Variants in PPP1R42 observed in about 807,000 individuals in gnomAD.
PPP1R42 encodes the protein leucine rich repeat containing 67.
A neutral mutation model predicts 31.0 loss-of-function variants in PPP1R42; 34 were observed. That is an observed-to-expected ratio of 1.10 (90% confidence interval 0.83 to 1.46). PPP1R42 has a LOEUF of 1.46. Ranked by LOEUF, PPP1R42 falls within the 40% of genes most tolerant of loss-of-function variation. The pLI, the probability that PPP1R42 is intolerant of heterozygous loss-of-function variation, is 0.00. For synonymous variants in PPP1R42, 103 were observed against 109.8 expected, an observed-to-expected ratio of 0.94 and a Z score of 0.39; for missense variants, 268 against 303.0, an observed-to-expected ratio of 0.88 and a Z score of 0.86.
chr8:67,005,536 TC>T (rs1478514704), intron 5 of PPP1R42, among the ~76,000 whole-genome samples: 2 of 152,188 alleles, frequency 1.3e-5, no homozygotes, highest in East Asian at 3.9e-4. Context: ...CATTTCAATA[TC>T]CAATAGGCAT....
chr8:67,016,404 A>T (rs973799540), intron 2 of PPP1R42, among the ~76,000 whole-genome samples: 6 of 152,210 alleles, frequency 3.9e-5, no homozygotes, highest in African/African-American at 1.4e-4. Context: ...TAGACAACAG[A>T]TACCAACACA....
intron 7 of PPP1R42, among the ~76,000 whole-genome samples, chr8:66,969,052 T>G (rs1814465428): frequency 6.6e-6 from 1 of 152,152 alleles, no homozygotes; most frequent in African/African-American, 2.4e-5. Flanking sequence ...AAAAATGCAT[T>G]TAGTTCTGTA....
At position 66,988,534 on chromosome 8, in the gene PPP1R42, A is replaced by G; in HGVS notation, c.553-17T>C. The G allele has an allele frequency of 6.3e-6, 10 of 1,590,070 alleles. No homozygotes were observed. Among genetic ancestry groups the G allele is most frequent in the Non-Finnish European group, 8.5e-6 (10 of 1,170,988 alleles). On this transcript the variant is annotated splice_polypyrimidine_tract_variant and intron_variant, in intron 5 of 7. Coordinates refer to ENST00000685739, the MANE Select transcript of PPP1R42 (RefSeq NM_001364910.1). ...CTCCAAATCCTATAATTAGAGAAGA[A>G]AAAGCAAAGCACAAGCATTTCATAT...
intron 5 of PPP1R42, among the ~76,000 whole-genome samples, chr8:66,997,956 G>A (rs1163000309): frequency 6.6e-6 from 1 of 152,096 alleles, no homozygotes; most frequent in Non-Finnish European, 1.5e-5. Flanking sequence ...GGATTATGTT[G>A]AATGTATAGA....
chr8:67,023,525 A>T (rs917990051), intron 1 of PPP1R42, among the ~76,000 whole-genome samples: 4 of 152,208 alleles, frequency 2.6e-5, no homozygotes, highest in Admixed American at 6.5e-5. Flanking sequence ...CAGTATTTTT[A>T]AAATATTGAT....
chr8:67,026,343 A>T (rs1445095094), intron 1 of PPP1R42, among the ~76,000 whole-genome samples: 1 of 152,052 alleles, frequency 6.6e-6, no homozygotes, highest in Non-Finnish European at 1.5e-5. Context: ...CATCTCAAAA[A>T]AAAAAAGAAA....
intron 7 of PPP1R42, among the ~76,000 whole-genome samples, chr8:66,968,729 A>G (rs1410128756): frequency 6.6e-6 from 1 of 152,144 alleles, no homozygotes; most frequent in Non-Finnish European, 1.5e-5. Flanking sequence ...AAACTCTGTA[A>G]TATATTTGAT....
intron 6 of PPP1R42, chr8:66,985,286 G>A (rs1035115126): frequency 9.1e-5 from 84 of 919,084 alleles, no homozygotes; most frequent in Non-Finnish European, 1.1e-4. Flanking sequence ...GTGGAGACTC[G>A]GGGTCAAAAA....
chr8:67,024,882 A>T (rs908291411), intron 1 of PPP1R42, among the ~76,000 whole-genome samples: 2 of 151,974 alleles, frequency 1.3e-5, no homozygotes. Flanking sequence ...AAACTTAGTC[A>T]GAATAACATA....
intron 7 of PPP1R42, among the ~76,000 whole-genome samples, chr8:66,970,016 C>A (rs964731938): frequency 2.0e-5 from 3 of 152,094 alleles, no homozygotes; most frequent in Admixed American, 6.6e-5. Flanking sequence ...TAGCTTGTGG[C>A]AAAATATTTG....
At chr8:66,972,654 T>A (rs951661412) in intron 7 of PPP1R42, among the ~76,000 whole-genome samples, 9 of 152,292 alleles carry the variant, frequency 5.9e-5, no homozygotes, top group African/African-American at 2.2e-4. Context: ...CCTCCCAAAG[T>A]CCTGGGATTA....
At chr8:67,025,132 A>G (rs1290487293) in intron 1 of PPP1R42, among the ~76,000 whole-genome samples, 1 of 148,784 alleles carries the variant, frequency 6.7e-6, no homozygotes, top group Non-Finnish European at 1.5e-5. Flanking sequence ...TTTTATAGAG[A>G]CAGGGTCTTA....
intron 7 of PPP1R42, among the ~76,000 whole-genome samples, chr8:66,976,809 T>C (rs1814689339): frequency 6.6e-6 from 1 of 152,204 alleles, no homozygotes. Flanking sequence ...ATTCATCTGT[T>C]GGACACTTAG....
rs1334435373 is a variant in PPP1R42, at chr8:66,982,037, C to T, written c.802+12G>A. 2.1e-6 allele frequency: 3 copies of T among 1,397,514 alleles called. No individual in the cohort carries two copies. Among genetic ancestry groups the T allele is most frequent in the Non-Finnish European group, 2.8e-6 (3 of 1,083,928 alleles). 86.6% of individuals were successfully genotyped at this position (1,397,514 alleles called of 1,614,324 possible). On this transcript the variant is annotated intron_variant, in intron 7 of 7. Transcript: ENST00000685739. Reference sequence around the variant, plus strand: ...AGAAGAGCAGTCACCTAATGAGTGACAGAGTGCTTACTTATGAGTGAATTG... The same window carrying T: ...AGAAGAGCAGTCACCTAATGAGTGATAGAGTGCTTACTTATGAGTGAATTG...
chr8:66,985,119 C>T, intron 6 of PPP1R42: 1 of 1,209,734 alleles, frequency 8.3e-7, no homozygotes, highest in Non-Finnish European at 1.2e-6. Context: ...TAAGGGCAAG[C>T]CTAGTCAAAG....
At chr8:66,968,527 G>A (rs1814448611) in intron 7 of PPP1R42, 1 of 968,832 alleles carries the variant, frequency 1.0e-6, no homozygotes, top group Middle Eastern at 5.3e-4. Context: ...TTCCCTTAAA[G>A]TAATTAAGGC....
At chr8:67,022,653 T>G (rs879659037) in intron 1 of PPP1R42, among the ~76,000 whole-genome samples, 1 of 152,274 alleles carries the variant, frequency 6.6e-6, no homozygotes, top group African/African-American at 2.4e-5. Flanking sequence ...TGTTAAAGTT[T>G]TCCTTGATGC....
intron 7 of PPP1R42, among the ~76,000 whole-genome samples, chr8:66,981,322 C>T (rs915376092): frequency 2.0e-5 from 3 of 151,448 alleles, no homozygotes; most frequent in African/African-American, 4.9e-5. Flanking sequence ...AGACAGTCCA[C>T]AGATGTGGTC....
intron 5 of PPP1R42, among the ~76,000 whole-genome samples, chr8:66,993,487 A>G (rs1283649131): frequency 2.6e-5 from 4 of 152,118 alleles, no homozygotes; most frequent in Non-Finnish European, 4.4e-5. Context: ...CATATTTGCC[A>G]TGCTCCAACC....
Sources: allele counts gnomAD v4.1 joint callset (sites outside exome capture counted in the v4.1 genomes callset), GRCh38; gene constraint gnomAD v4.1.1; transcripts MANE v1.5; gene names NCBI Gene and HGNC (gene_info 2026-07-23, HGNC 2026-07-21).